The following GOLM1 variants were observed in gnomAD, a reference collection of about 807,000 sequenced individuals.
The protein encoded by GOLM1 is golgi membrane protein 1.
GOLM1 carries 31 observed loss-of-function variants against 50.5 expected under a neutral mutation model. The ratio of observed to expected loss-of-function variants is 0.61; its 90% CI spans 0.46 to 0.83. The LOEUF (loss-of-function observed/expected upper bound fraction) is 0.83, where lower values mean the gene tolerates loss of function less well. Ranked by LOEUF, GOLM1 falls within the 40% of genes least tolerant of loss-of-function variation. The pLI is 0.00. For missense variants in GOLM1, 491 were observed against 501.3 expected, an observed-to-expected ratio of 0.98 and a Z score of 0.20; for synonymous variants, 178 against 192.8, an observed-to-expected ratio of 0.92 and a Z score of 0.64.
At chr9:86,031,215 GA>G (rs968642193) in intron 9 of GOLM1, among the ~76,000 whole-genome samples, 57 of 142,762 alleles carry the variant, frequency 4.0e-4, no homozygotes, top group East Asian at 1.4e-3. Context: ...ATCTGAGGAA[GA>G]AAAAAAAAAA....
At chr9:86,078,675 C>T (rs547460947) in intron 2 of GOLM1, among the ~76,000 whole-genome samples, 1 of 152,290 alleles carries the variant, frequency 6.6e-6, no homozygotes, top group Admixed American at 6.5e-5. Flanking sequence ...AGAGGAGCAT[C>T]TTTGTCACTG....
chr9:86,068,515 G>A lies in GOLM1; in HGVS notation c.309+8897C>T, dbSNP rs182472388. Among the ~76,000 whole-genome samples the A allele has an allele frequency of 1.0e-3, 152 of 152,250 alleles. 1 individual carries two copies. Among genetic ancestry groups the A allele is most frequent in the South Asian group, 3.3e-3 (16 of 4,820 alleles). ...GTGGAAAAGGGAGTGTAGGTGTCTT[G>A]GTCCTGGCCCCTGCCCCTGCCCAGG... On this transcript the variant is annotated intron_variant, in intron 3 of 9. Transcript: ENST00000388712.
intron 3 of GOLM1, among the ~76,000 whole-genome samples, chr9:86,054,466 C>T (rs550859155): frequency 2.0e-5 from 3 of 152,210 alleles, no homozygotes; most frequent in South Asian, 2.1e-4. Flanking sequence ...TCAAGTGATT[C>T]GGCCGCCTTG....
chr9:86,051,753 C>T (rs1231697714), intron 4 of GOLM1, among the ~76,000 whole-genome samples: 1 of 152,056 alleles, frequency 6.6e-6, no homozygotes, highest in Non-Finnish European at 1.5e-5. Flanking sequence ...CTCCCACCCC[C>T]GCAGCCAGGC....
intron 9 of GOLM1, among the ~76,000 whole-genome samples, chr9:86,029,058 CCT>C (rs372319331): frequency 4.6e-5 from 7 of 151,856 alleles, no homozygotes; most frequent in South Asian, 2.1e-4. Context: ...GGGTTTTCAC[CCT>C]GTTAGCCAGG....
At position 86,097,067 on chromosome 9, in the gene GOLM1, CTTT is replaced by C. The variant is rs35392923; in HGVS notation, c.-22+2341_-22+2343del. 1.5e-4 allele frequency among the ~76,000 whole-genome samples: 21 copies of C among 143,188 alleles called. No homozygotes were observed. The East Asian group carries it at 3.0e-3, about 21-fold the overall frequency. The allele number at this position is 143,188 out of a possible 152,430, so 93.9% of individuals were successfully genotyped here. ...ATGTAAAAATCTGAGAAGGCATGGACTTTTTTTTTTTTTTTTCCTGAAAGTGTG... is the reference window on the plus strand; with the variant it reads ...ATGTAAAAATCTGAGAAGGCATGGACTTTTTTTTTTTTTCCTGAAAGTGTG... On this transcript the variant is annotated intron_variant, in intron 1 of 9. Transcript: ENST00000388712.
chr9:86,047,245 G>A (rs1833577280), intron 4 of GOLM1, among the ~76,000 whole-genome samples: 1 of 152,172 alleles, frequency 6.6e-6, no homozygotes, highest in African/African-American at 2.4e-5. Flanking sequence ...TGGGGCAGAG[G>A]GGAAGGCAGC....
intron 4 of GOLM1, 133 bp from the exon 5 acceptor site, chr9:86,046,705 G>A: frequency 1.5e-6 from 1 of 662,760 alleles, no homozygotes; most frequent in Non-Finnish European, 2.8e-6. Flanking sequence ...GGAGGGGAGA[G>A]AGAAAAAGCT....
At chr9:86,040,207 T>C (rs1425358170) in intron 6 of GOLM1, among the ~76,000 whole-genome samples, 2 of 152,126 alleles carry the variant, frequency 1.3e-5, no homozygotes, top group Non-Finnish European at 2.9e-5. Flanking sequence ...AACCCATGAA[T>C]TGTAAATTTT....
chr9:86,027,309 T>TTGA lies in GOLM1; in HGVS notation c.*505_*507dup, dbSNP rs1316188536. ...AACAGTCAGTGCTCTAGGCCATTGA[T>TTGA]TGATTGATTGTCAGAATCAGAAGTG... On this transcript the variant is annotated 3_prime_UTR_variant, in exon 10 of 10. Coordinates refer to ENST00000388712, the MANE Select transcript of GOLM1 (RefSeq NM_016548.4). 1 of 985,964 alleles carries TTGA rather than the reference T, an allele frequency of 1.0e-6. No homozygotes were observed. Among genetic ancestry groups the TTGA allele is most frequent in the Non-Finnish European group, 1.2e-6 (1 of 830,410 alleles). 61.1% of individuals were successfully genotyped at this position (985,964 alleles called of 1,614,324 possible). A position where few individuals can be genotyped will look rare whatever the true frequency, so the allele number is the denominator to read the frequency against.
intron 4 of GOLM1, among the ~76,000 whole-genome samples, chr9:86,051,153 T>C (rs1202650594): frequency 5.9e-5 from 9 of 152,212 alleles, no homozygotes; most frequent in Non-Finnish European, 1.0e-4. Context: ...GGTTGTTCAG[T>C]TTCCATGTAG....
chr9:86,036,609 T>C lies in GOLM1; in HGVS notation c.598-102A>G, dbSNP rs116982251. The C allele has an allele frequency of 2.2e-3, 2,708 of 1,213,330 alleles. 88 individuals carry two copies. In the East Asian group the frequency reaches 0.06, roughly 27 times the overall value. 75.2% of individuals were successfully genotyped at this position (1,213,330 alleles called of 1,614,324 possible). ...ATGAATCCCACCAATCCCACCACCA[T>C]ATCCTTCCAACCAAGACCCCGAGAA... On this transcript the variant is annotated intron_variant, in intron 6 of 9. Transcript: ENST00000388712.
intron 1 of GOLM1, chr9:86,085,104 T>C (rs1477168821): frequency 2.0e-5 from 3 of 152,238 alleles, no homozygotes; most frequent in Non-Finnish European, 2.9e-5. Context: ...TCTTTTCATA[T>C]AGAGGTTTTA....
intron 1 of GOLM1, among the ~76,000 whole-genome samples, chr9:86,091,341 T>G (rs1386273106): frequency 6.6e-6 from 1 of 152,194 alleles, no homozygotes; most frequent in Admixed American, 6.5e-5. Context: ...TTTTTTCCAA[T>G]GTACAGTTTC....
At chr9:86,078,496 G>C (rs572070146) in intron 2 of GOLM1, among the ~76,000 whole-genome samples, 58 of 152,280 alleles carry the variant, frequency 3.8e-4, no homozygotes, top group African/African-American at 1.3e-3. Flanking sequence ...GACAGCAAGG[G>C]TAGGGATGAG....
intron 3 of GOLM1, among the ~76,000 whole-genome samples, chr9:86,070,527 T>C (rs1320384106): frequency 4.0e-5 from 6 of 150,810 alleles, no homozygotes; most frequent in East Asian, 3.9e-4. Flanking sequence ...GCTGAGATCA[T>C]GCCACTGCAC....
intron 3 of GOLM1, 122 bp from the exon 4 acceptor site, chr9:86,052,713 C>T (rs11794444): frequency 0.079 from 63,933 of 809,962 alleles, 3,119 homozygotes; most frequent in Non-Finnish European, 0.1. Context: ...GGAAGGAGCT[C>T]GCACTCAGCG....
At position 86,088,582 on chromosome 9, in the gene GOLM1, T is replaced by C. The variant is rs1295577484; in HGVS notation, c.-21-9241A>G. 2.0e-5 allele frequency among the ~76,000 whole-genome samples: 3 copies of C among 149,558 alleles called. 1 individual carries two copies. The highest frequency in any genetic ancestry group is 7.3e-5 in the African/African-American group (3 of 40,970). On this transcript the variant is annotated intron_variant, in intron 1 of 9. Transcript: ENST00000388712. ...GCAACTCCTGGTTTTGTTTTTTTTT[T>C]TTTTTTGTTTTGTTTTTTTGCTTTC...
At chr9:86,033,609 G>A (rs1157586922) in intron 8 of GOLM1, among the ~76,000 whole-genome samples, 2 of 152,142 alleles carry the variant, frequency 1.3e-5, no homozygotes, top group Admixed American at 1.3e-4. Flanking sequence ...AGACAGCATG[G>A]CCCTAAATAC....
Sources: allele counts gnomAD v4.1 joint callset (sites outside exome capture counted in the v4.1 genomes callset), GRCh38; gene constraint gnomAD v4.1.1; transcripts MANE v1.5; gene names NCBI Gene and HGNC (gene_info 2026-07-23, HGNC 2026-07-21).